Variants in APPBP2 observed in about 807,000 individuals in gnomAD.
APPBP2 encodes the protein amyloid beta precursor protein binding protein 2.
In APPBP2, 15 loss-of-function variants were observed where a neutral mutation model predicts 76.0. The ratio of observed to expected loss-of-function variants is 0.20; its 90% CI spans 0.13 to 0.30. The LOEUF (loss-of-function observed/expected upper bound fraction) is 0.30, where lower values mean the gene tolerates loss of function less well. Among genes scored for constraint, APPBP2 ranks in the 10% least tolerant of loss-of-function variants. The pLI is 1.00. For missense variants in APPBP2, 401 were observed against 687.2 expected (o/e 0.58, Z 4.66); for synonymous variants, 222 against 242.2 (o/e 0.92, Z 0.77).
Position 60,500,495 on chromosome 17 carries a change from A to G in APPBP2, c.139-8T>C. The G allele has an allele frequency of 1.3e-6, 2 of 1,585,262 alleles. No homozygotes were observed. The highest frequency in any genetic ancestry group is 1.7e-6 in the Non-Finnish European group (2 of 1,170,044). On this transcript the variant is annotated splice_polypyrimidine_tract_variant and splice_region_variant and intron_variant, in intron 1 of 12. Coordinates refer to ENST00000083182, the MANE Select transcript of APPBP2 (RefSeq NM_006380.5). ...GCGTCCCTGTTGGTAAAGCTGAAATAAAAAACAAATGATTTAAAAATTTTG... is the reference window on the plus strand; with the variant it reads ...GCGTCCCTGTTGGTAAAGCTGAAATGAAAAACAAATGATTTAAAAATTTTG...
chr17:60,451,859 G>GA (rs1296807473), intron 12 of APPBP2, 21 bp downstream of exon 12: 2 of 1,584,054 alleles, frequency 1.3e-6, no homozygotes, highest in Non-Finnish European at 1.7e-6. Context: ...ACTGACTAAA[G>GA]AAAATTTAAA....
intron 3 of APPBP2, among the ~76,000 whole-genome samples, chr17:60,487,502 G>A (rs984500203): frequency 1.3e-5 from 2 of 152,034 alleles, no homozygotes; most frequent in Non-Finnish European, 2.9e-5. Flanking sequence ...TGAAGCATGT[G>A]CATGTGTCAT....
rs557264268 is a variant in APPBP2, at chr17:60,458,770, G to T, written c.1061+1893C>A. On this transcript the variant is annotated intron_variant, in intron 9 of 12. Coordinates refer to ENST00000083182, the MANE Select transcript of APPBP2 (RefSeq NM_006380.5). ...CAGCATCAACCAAAAAGAAGTTCTGGTTTTTTTTTTTGTTTTTTTTTTTGA... is the reference window on the plus strand; with the variant it reads ...CAGCATCAACCAAAAAGAAGTTCTGTTTTTTTTTTTTGTTTTTTTTTTTGA... Among the ~76,000 whole-genome samples, 14 of 140,876 alleles carry T rather than the reference G, an allele frequency of 9.9e-5. No homozygotes were observed. In the East Asian group the frequency reaches 2.0e-3, roughly 20 times the overall value. The allele number at this position is 140,876 out of a possible 152,430, so 92.4% of individuals were successfully genotyped here.
chr17:60,468,671 T>C (rs2090528922), intron 4 of APPBP2, among the ~76,000 whole-genome samples: 2 of 152,236 alleles, frequency 1.3e-5, no homozygotes, highest in Admixed American at 1.3e-4. Flanking sequence ...TGTGTGTCCA[T>C]CTGGGCTGAC....
chr17:60,507,048 T>A (rs2090873877), intron 1 of APPBP2, among the ~76,000 whole-genome samples: 1 of 151,884 alleles, frequency 6.6e-6, no homozygotes, highest in Non-Finnish European at 1.5e-5. Flanking sequence ...AAAATAAAAA[T>A]TTTTTCTTTC....
chr17:60,515,660 A>G (rs1356569225), intron 1 of APPBP2, among the ~76,000 whole-genome samples: 2 of 152,226 alleles, frequency 1.3e-5, no homozygotes, highest in Admixed American at 1.3e-4. Flanking sequence ...AAATGAGATC[A>G]TATATTATAC....
intron 1 of APPBP2, among the ~76,000 whole-genome samples, chr17:60,505,085 A>G (rs1455206040): frequency 6.6e-6 from 1 of 152,240 alleles, no homozygotes; most frequent in Non-Finnish European, 1.5e-5. Context: ...CCATATAAAA[A>G]TCTGAAATAA....
intron 2 of APPBP2, among the ~76,000 whole-genome samples, chr17:60,494,984 G>GTTTTTTTTTTTTT (rs60043373): frequency 9.3e-6 from 1 of 107,078 alleles, no homozygotes; most frequent in Non-Finnish European, 1.8e-5. Flanking sequence ...GTTTTGTTTT[G>GTTTTTTTTTTTTT]TTTTTTTTTT....
chr17:60,463,528 A>G (rs943617347), intron 6 of APPBP2, among the ~76,000 whole-genome samples: 6 of 152,222 alleles, frequency 3.9e-5, no homozygotes, highest in African/African-American at 1.4e-4. Context: ...TTACAGAATA[A>G]GAAAACACTA....
At chr17:60,487,569 C>T (rs2090690578) in intron 3 of APPBP2, among the ~76,000 whole-genome samples, 1 of 152,162 alleles carries the variant, frequency 6.6e-6, no homozygotes, top group Non-Finnish European at 1.5e-5. Context: ...CTTCTCTACA[C>T]TGTTTATTCT....
chr17:60,509,392 A>C (rs944717732), intron 1 of APPBP2, among the ~76,000 whole-genome samples: 5 of 152,048 alleles, frequency 3.3e-5, no homozygotes, highest in African/African-American at 4.8e-5. Flanking sequence ...AAAAAAAAAA[A>C]CATGTTTGAA....
chr17:60,480,368 C>T (rs1451799955), intron 3 of APPBP2, among the ~76,000 whole-genome samples: 1 of 152,070 alleles, frequency 6.6e-6, no homozygotes, highest in African/African-American at 2.4e-5. Flanking sequence ...GCCAGCCAGA[C>T]CTTGTCTCAA....
At chr17:60,523,524 T>C (rs1361140160) in intron 1 of APPBP2, among the ~76,000 whole-genome samples, 4 of 152,042 alleles carry the variant, frequency 2.6e-5, no homozygotes, top group Non-Finnish European at 5.9e-5. Flanking sequence ...ATGTATATGC[T>C]AATAGTGTTT....
rs928720647 is a variant in APPBP2 at position 60,445,030 on chromosome 17, T to C, written c.*2551A>G. 2 of 152,302 alleles carry C rather than the reference T, an allele frequency of 1.3e-5. No individual in the cohort carries two copies. The highest frequency in any genetic ancestry group is 1.3e-4 in the Admixed American group (2 of 15,290). 9.4% of individuals were successfully genotyped at this position (152,302 alleles called of 1,614,324 possible). Reference sequence around the variant, plus strand: ...ACCCAATAAATCATAGTGGCACACATCTAACTTATCCTAAACATCCCTACT... The same window carrying C: ...ACCCAATAAATCATAGTGGCACACACCTAACTTATCCTAAACATCCCTACT... On this transcript the variant is annotated 3_prime_UTR_variant, in exon 13 of 13. Coordinates refer to ENST00000083182, the MANE Select transcript of APPBP2 (RefSeq NM_006380.5).
At chr17:60,450,485 C>T (rs953734390) in intron 12 of APPBP2, among the ~76,000 whole-genome samples, 3 of 148,910 alleles carry the variant, frequency 2.0e-5, no homozygotes, top group African/African-American at 7.5e-5. Context: ...ACATTAAGAA[C>T]TGGCTGGGCA....
At chr17:60,497,976 T>C (rs1046726524) in intron 2 of APPBP2, among the ~76,000 whole-genome samples, 11 of 152,028 alleles carry the variant, frequency 7.2e-5, no homozygotes, top group Middle Eastern at 3.4e-3. Context: ...CCATCTCTAC[T>C]AAAAATACAA....
chr17:60,444,596 T>C lies in APPBP2; in HGVS notation c.*2985A>G, dbSNP rs1248792779. ...GGCAGGGGTTACTACAAAGCAATAG[T>C]GAGCCAATTTTTAACCAAGCAGAGA... On this transcript the variant is annotated 3_prime_UTR_variant, in exon 13 of 13. Transcript: ENST00000083182. 1 of 151,970 alleles carries C rather than the reference T, an allele frequency of 6.6e-6. No homozygotes were observed. Among genetic ancestry groups the C allele is most frequent in the Non-Finnish European group, 1.5e-5 (1 of 68,012 alleles). 9.4% of individuals were successfully genotyped at this position (151,970 alleles called of 1,614,324 possible). A position where few individuals can be genotyped will look rare whatever the true frequency, so the allele number is the denominator to read the frequency against.
chr17:60,487,522 G>A (rs1012630126), intron 3 of APPBP2, among the ~76,000 whole-genome samples: 10 of 151,690 alleles, frequency 6.6e-5, no homozygotes, highest in South Asian at 2.1e-4. Context: ...TGTAGTTCTC[G>A]CGCCATGGTT....
At chr17:60,514,099 G>A (rs1447815129) in intron 1 of APPBP2, among the ~76,000 whole-genome samples, 3 of 150,304 alleles carry the variant, frequency 2.0e-5, no homozygotes, top group Non-Finnish European at 4.4e-5. Context: ...TTGAACCCAG[G>A]AGTTCAACAC....
Sources: allele counts gnomAD v4.1 joint callset (sites outside exome capture counted in the v4.1 genomes callset), GRCh38; gene constraint gnomAD v4.1.1; transcripts MANE v1.5; gene names NCBI Gene and HGNC (gene_info 2026-07-23, HGNC 2026-07-21).